Variants in PRRG1 observed in about 807,000 individuals in gnomAD.
PRRG1 encodes the protein transmembrane gamma-carboxyglutamic acid protein 1.
PRRG1 carries 5 observed loss-of-function variants against 11.8 expected under a neutral mutation model. The observed-to-expected ratio is 0.42, with a 90% CI of 0.22 to 0.89. PRRG1 has a LOEUF of 0.89. Among genes scored for constraint, PRRG1 ranks in the 40% least tolerant of loss-of-function variants. The probability of loss-of-function intolerance (pLI) is 0.28; values close to 1 mark genes in which losing one functional copy is unlikely to be tolerated. For missense variants in PRRG1, 155 were observed against 166.1 expected (o/e 0.93, Z 0.37); for synonymous variants, 66 against 60.4 (o/e 1.09, Z -0.43).
intron 1 of PRRG1, among the ~76,000 whole-genome samples, chrX:37,389,397 T>C (rs1327757645): frequency 3.6e-5 from 4 of 111,579 alleles, no homozygotes; most frequent in African/African-American, 1.3e-4. Context: ...TGAGACTGGG[T>C]AATTTATAAA....
At chrX:37,395,357 G>A (rs782141490) in intron 1 of PRRG1, among the ~76,000 whole-genome samples, 1 of 111,895 alleles carries the variant, frequency 8.9e-6, no homozygotes, top group Non-Finnish European at 1.9e-5. Context: ...GTTCACTCCT[G>A]TAATCCCAGC....
intron 3 of PRRG1, among the ~76,000 whole-genome samples, chrX:37,432,477 G>A (rs782002383): frequency 7.2e-5 from 8 of 110,925 alleles, no homozygotes; most frequent in Non-Finnish European, 1.3e-4. Context: ...ACAGGATGCT[G>A]CATGTCAGCA....
At chrX:37,424,832 T>C (rs1932755525) in intron 2 of PRRG1, among the ~76,000 whole-genome samples, 1 of 111,743 alleles carries the variant, frequency 8.9e-6, no homozygotes, top group African/African-American at 3.2e-5. Context: ...CTGGCTGTCA[T>C]TGTCATTTTT....
At chrX:37,402,270 A>G (rs1424379513) in intron 1 of PRRG1, among the ~76,000 whole-genome samples, 4 of 111,818 alleles carry the variant, frequency 3.6e-5, no homozygotes, top group Non-Finnish European at 1.9e-5. Flanking sequence ...ACAGCATGGT[A>G]CTGGTACCAA....
At chrX:37,380,754 G>A (rs1173855757) in intron 1 of PRRG1, among the ~76,000 whole-genome samples, 1 of 111,420 alleles carries the variant, frequency 9.0e-6, no homozygotes, top group African/African-American at 3.3e-5. Context: ...TCCAGAAAAT[G>A]TTCCCTCCAC....
Position 37,425,927 on chromosome X carries a change from T to C in PRRG1, c.98T>C (p.Ile33Thr), listed in dbSNP as rs782731322. 3 of 1,207,283 alleles carry C rather than the reference T, an allele frequency of 2.5e-6. No individual in the cohort carries two copies. The highest frequency in any genetic ancestry group is 1.8e-5 in the South Asian group (1 of 55,799). ...GFFEEIRQGN[I>T]ERECKEEFCT... ...TTTGAAGAAATAAGACAGGGCAACA[T>C]TGAGCGTGAGTGCAAAGAAGAATTC... The change falls in exon 3 of 4, where the codon ATT becomes ACT. Residue 33 changes from isoleucine (I) to threonine (T), a missense_variant. Transcript: ENST00000378628.
intron 1 of PRRG1, among the ~76,000 whole-genome samples, chrX:37,380,392 A>G (rs1388044829): frequency 1.8e-5 from 2 of 111,844 alleles, no homozygotes; most frequent in African/African-American, 6.5e-5. Flanking sequence ...TTGGTTCAAT[A>G]CTTTAGTGAG....
intron 1 of PRRG1, among the ~76,000 whole-genome samples, chrX:37,399,641 TA>T (rs1931876861): frequency 2.0e-5 from 2 of 100,024 alleles, no homozygotes; most frequent in African/African-American, 7.4e-5. Context: ...ATATTAACTT[TA>T]AATGTAAATG....
At chrX:37,444,859 G>GT (rs1933046243) in intron 3 of PRRG1, among the ~76,000 whole-genome samples, 1 of 111,261 alleles carries the variant, frequency 9.0e-6, no homozygotes, top group South Asian at 3.8e-4. Context: ...AGCTTTCTGT[G>GT]TAATCCCCCC....
chrX:37,453,591 T>C lies in PRRG1; in HGVS notation c.627T>C (p.Pro209=). ...IVNSNSASAI[P]MVPVVTTIK is the part of the protein sequence containing the mutation. ...ACTCCAACTCAGCCAGTGCCATTCC[T>C]ATGGTGCCTGTGGTCACCACCATCA... The change falls in exon 4 of 4, where the codon CCT becomes CCC. Residue 209 remains proline (P), a synonymous_variant. Coordinates refer to ENST00000378628, the MANE Select transcript of PRRG1 (RefSeq NM_001142395.2). 1.7e-6 allele frequency: 2 copies of C among 1,194,618 alleles called. No individual in the cohort carries two copies. The highest frequency in any genetic ancestry group is 2.3e-6 in the Non-Finnish European group (2 of 885,782).
At chrX:37,413,047 C>T (rs1556384265) in intron 2 of PRRG1, among the ~76,000 whole-genome samples, 1 of 111,164 alleles carries the variant, frequency 9.0e-6, no homozygotes, top group Admixed American at 9.6e-5. Context: ...CAAAGGAGAT[C>T]CTATTCCCAT....
chrX:37,421,806 A>C (rs1347885091), intron 2 of PRRG1, among the ~76,000 whole-genome samples: 1 of 112,200 alleles, frequency 8.9e-6, no homozygotes, highest in Non-Finnish European at 1.9e-5. Context: ...GCACTGGCAA[A>C]TTCTCTGCCA....
intron 3 of PRRG1, among the ~76,000 whole-genome samples, chrX:37,436,230 C>T (rs1932883448): frequency 9.0e-6 from 1 of 111,487 alleles, no homozygotes; most frequent in Admixed American, 9.5e-5. Flanking sequence ...AGTCTTTATC[C>T]CATTCTTGTG....
At chrX:37,397,357 T>C (rs782176403) in intron 1 of PRRG1, among the ~76,000 whole-genome samples, 41 of 112,292 alleles carry the variant, frequency 3.7e-4, no homozygotes, top group Non-Finnish European at 2.8e-4. Flanking sequence ...TTACTGGAGT[T>C]TGAAGCACTC....
chrX:37,405,425 G>C (rs1932156290), intron 1 of PRRG1, among the ~76,000 whole-genome samples: 1 of 111,569 alleles, frequency 9.0e-6, no homozygotes, highest in African/African-American at 3.3e-5. Context: ...TTACCTTTCA[G>C]GCGCTTAGTT....
In PRRG1 at chrX:37,391,774, A is replaced by G. The variant is rs1013202752; in HGVS notation, c.-41-14435A>G. On this transcript the variant is annotated intron_variant, in intron 1 of 3. Transcript: ENST00000378628. ...ATCTAGATTGTTTGATGTGGTATGC[A>G]ATGACGTTTTTATTCACTGAGGTGT... 5.3e-5 allele frequency among the ~76,000 whole-genome samples: 6 copies of G among 112,309 alleles called. No homozygotes were observed. The South Asian group carries it at 1.8e-3, about 35-fold the overall frequency.
intron 3 of PRRG1, among the ~76,000 whole-genome samples, chrX:37,426,979 T>C (rs983086313): frequency 2.7e-5 from 3 of 111,945 alleles, no homozygotes; most frequent in Non-Finnish European, 5.6e-5. Context: ...CTGGCCTATT[T>C]TTACTACATA....
At chrX:37,349,788 C>T (rs182089883) in intron 1 of PRRG1, among the ~76,000 whole-genome samples, 2 of 110,927 alleles carry the variant, frequency 1.8e-5, no homozygotes, top group East Asian at 5.8e-4. Flanking sequence ...GCTGCTTTCT[C>T]TGGTGCAGAG....
intron 1 of PRRG1, among the ~76,000 whole-genome samples, chrX:37,374,813 T>C (rs782581385): frequency 9.8e-5 from 11 of 111,988 alleles, no homozygotes; most frequent in Non-Finnish European, 1.5e-4. Context: ...CCAAGGTCTC[T>C]GTCATAATTG....
Sources: allele counts gnomAD v4.1 joint callset (sites outside exome capture counted in the v4.1 genomes callset), GRCh38; gene constraint gnomAD v4.1.1; transcripts MANE v1.5; gene names NCBI Gene and HGNC (gene_info 2026-07-23, HGNC 2026-07-21).